PJA2: variants seen among roughly 807,000 people sequenced by gnomAD.
PJA2 encodes E3 ubiquitin-protein ligase Praja-2.
In PJA2, 25 loss-of-function variants were observed where a neutral mutation model predicts 69.3. The ratio of observed to expected loss-of-function variants is 0.36; its 90% CI spans 0.26 to 0.50. PJA2 has a LOEUF of 0.50. Among genes scored for constraint, PJA2 ranks in the 20% least tolerant of loss-of-function variants. The probability of loss-of-function intolerance (pLI) is 0.96; values close to 1 mark genes in which losing one functional copy is unlikely to be tolerated. For synonymous variants in PJA2, 308 were observed against 277.8 expected (o/e 1.11, Z -1.08); for missense variants, 809 against 830.2 (o/e 0.97, Z 0.31).
At chr5:109,343,046 C>T (rs1328201995) in intron 9 of PJA2, among the ~76,000 whole-genome samples, 9 of 104,128 alleles carry the variant, frequency 8.6e-5, no homozygotes, top group South Asian at 6.6e-4. Context: ...ATGACAATGG[C>T]GGCTTTGTGG....
At chr5:109,369,942 G>C (rs991829683) in intron 4 of PJA2, among the ~76,000 whole-genome samples, 1 of 148,662 alleles carries the variant, frequency 6.7e-6, no homozygotes, top group Non-Finnish European at 1.5e-5. Flanking sequence ...TGAGGCAGGA[G>C]TTCAGCTTGA....
chr5:109,345,733 T>C (rs1008187604), intron 7 of PJA2, among the ~76,000 whole-genome samples: 1 of 152,186 alleles, frequency 6.6e-6, no homozygotes, highest in Non-Finnish European at 1.5e-5. Flanking sequence ...AATGCACTCC[T>C]GAATGGCTAC....
At chr5:109,375,581 T>C (rs538325122) in intron 4 of PJA2, among the ~76,000 whole-genome samples, 1 of 152,314 alleles carries the variant, frequency 6.6e-6, no homozygotes, top group South Asian at 2.1e-4. Flanking sequence ...TGAGTTCTAC[T>C]TTGGCTATTA....
rs906414267 is a variant in PJA2, at chr5:109,406,040, A to T, written c.-88+3802T>A. Among the ~76,000 whole-genome samples, 861 of 103,466 alleles carry T rather than the reference A, an allele frequency of 8.3e-3. 9 individuals carry two copies. The highest frequency in any genetic ancestry group is 0.032 in the African/African-American group (807 of 25,166). 67.9% of individuals were successfully genotyped at this position (103,466 alleles called of 152,430 possible). ...GCTTACAACTCAATAAGACAAACCC[A>T]TTTTTTTTTTTTTTTTTTTTTGAGA... On this transcript the variant is annotated intron_variant, in intron 1 of 9. Coordinates refer to ENST00000361189, the MANE Select transcript of PJA2 (RefSeq NM_014819.5).
chr5:109,356,021 A>C lies in PJA2; in HGVS notation c.1658T>G (p.Phe553Cys), dbSNP rs1323720716. The change falls in exon 7 of 10, where the codon TTT becomes TGT. Residue 553 changes from phenylalanine (F) to cysteine (C), a missense_variant. By Grantham distance (205) the Phe-to-Cys change is radical. Coordinates refer to ENST00000361189, the MANE Select transcript of PJA2 (RefSeq NM_014819.5). ...TCCTAGTCCATCTGCAAAGCCATCAAATAGGCTGAAAAAAAAAAAAAATAA... is the reference window on the plus strand; with the variant it reads ...TCCTAGTCCATCTGCAAAGCCATCACATAGGCTGAAAAAAAAAAAAAATAA... ...SEDLDVDWSL[F>C]DGFADGLGVA... 1 of 1,602,668 alleles carries C rather than the reference A, an allele frequency of 6.2e-7. No homozygotes were observed. Among genetic ancestry groups the C allele is most frequent in the Admixed American group, 1.7e-5 (1 of 58,622 alleles).
intron 8 of PJA2, 102 bp from the exon 9 acceptor site, chr5:109,344,413 A>C: frequency 7.9e-7 from 1 of 1,273,536 alleles, no homozygotes. Flanking sequence ...GAAAGACGAA[A>C]GAGCCAGTCT....
At chr5:109,366,143 T>A (rs568984900) in intron 5 of PJA2, among the ~76,000 whole-genome samples, 1 of 152,290 alleles carries the variant, frequency 6.6e-6, no homozygotes, top group Non-Finnish European at 1.5e-5. Context: ...AAATACATCA[T>A]TCTGAATGCA....
intron 4 of PJA2, among the ~76,000 whole-genome samples, chr5:109,371,950 T>A (rs1332039715): frequency 1.3e-5 from 2 of 152,238 alleles, no homozygotes; most frequent in African/African-American, 4.8e-5. Context: ...TGGGTTCATG[T>A]AAAGGGTAAG....
chr5:109,408,981 G>C (rs550770141), intron 1 of PJA2: 3 of 152,194 alleles, frequency 2.0e-5, no homozygotes, highest in Non-Finnish European at 4.4e-5. Context: ...AGACTCAAAA[G>C]AAGCGCCTAT....
At chr5:109,401,645 C>G (rs774922679) in intron 1 of PJA2, among the ~76,000 whole-genome samples, 170 of 152,188 alleles carry the variant, frequency 1.1e-3, no homozygotes, top group Non-Finnish European at 2.1e-3. Flanking sequence ...TTATATCCAG[C>G]AAAATCTTTC....
At chr5:109,343,290 AAAG>A (rs1446135628) in intron 9 of PJA2, among the ~76,000 whole-genome samples, 103 of 33,942 alleles carry the variant, frequency 3.0e-3, no homozygotes, top group Non-Finnish European at 5.4e-3. Context: ...AAAAAAAAAA[AAAG>A]AAAGAAAGAA....
At chr5:109,404,055 A>G (rs1186407272) in intron 1 of PJA2, among the ~76,000 whole-genome samples, 3 of 148,314 alleles carry the variant, frequency 2.0e-5, no homozygotes, top group Non-Finnish European at 3.0e-5. Context: ...TGGGCAACAG[A>G]GCAAGACTCC....
At chr5:109,399,693 G>C (rs1747495717) in intron 1 of PJA2, among the ~76,000 whole-genome samples, 1 of 152,114 alleles carries the variant, frequency 6.6e-6, no homozygotes, top group Admixed American at 6.6e-5. Context: ...TGCATATAAA[G>C]TCTGCCATTC....
chr5:109,398,252 T>C (rs899439583), intron 1 of PJA2, among the ~76,000 whole-genome samples: 3 of 152,120 alleles, frequency 2.0e-5, no homozygotes, highest in East Asian at 3.9e-4. Context: ...GAAATACCAT[T>C]TGACCCAGCC....
At chr5:109,346,151 G>C (rs1201211920) in intron 7 of PJA2, among the ~76,000 whole-genome samples, 5 of 152,130 alleles carry the variant, frequency 3.3e-5, no homozygotes, top group Non-Finnish European at 5.9e-5. Flanking sequence ...TGTATTCAAA[G>C]AATTGGTATT....
chr5:109,393,249 T>C (rs1747321535), intron 1 of PJA2, among the ~76,000 whole-genome samples: 1 of 152,184 alleles, frequency 6.6e-6, no homozygotes, highest in Admixed American at 6.5e-5. Flanking sequence ...ATCAATTTCA[T>C]AAACTGGCTG....
intron 9 of PJA2, among the ~76,000 whole-genome samples, chr5:109,342,444 C>T (rs1448144052): frequency 8.7e-5 from 12 of 137,204 alleles, no homozygotes; most frequent in Non-Finnish European, 1.5e-4. Flanking sequence ...GGCCCCCCGC[C>T]CGGCCAGCCG....
intron 4 of PJA2, among the ~76,000 whole-genome samples, chr5:109,372,163 A>C (rs1259988764): frequency 6.6e-6 from 1 of 152,228 alleles, no homozygotes; most frequent in Non-Finnish European, 1.5e-5. Context: ...TAAATTAAAA[A>C]CATTGTGTAC....
At position 109,378,935 on chromosome 5, in the gene PJA2, A is replaced by G. The variant is rs1196250552; in HGVS notation, c.552T>C (p.Ser184=). Residue 184 remains serine (S), a synonymous_variant, in exon 4 of 10, where the codon TCT becomes TCC. Transcript: ENST00000361189. The part of the protein sequence containing the change: ...HGEDNDHLQL[S]AEVVEGSRYQ... ...ATCTACTACCTTCCACGACTTCTGCAGAAAGTTGAAGATGGTCATTATCTT... is the reference window on the plus strand; with the variant it reads ...ATCTACTACCTTCCACGACTTCTGCGGAAAGTTGAAGATGGTCATTATCTT... 6.2e-7 allele frequency: 1 copy of G among 1,614,228 alleles called. No individual in the cohort carries two copies. The highest frequency in any genetic ancestry group is 1.7e-5 in the Admixed American group (1 of 60,022).
Sources: gnomAD v4.1 joint callset for allele counts (sites outside exome capture counted in the v4.1 genomes callset) on GRCh38, gnomAD v4.1.1 for gene constraint, MANE v1.5 for transcripts, NCBI Gene and HGNC (gene_info 2026-07-23, HGNC 2026-07-21) for gene names.